The following PRICKLE1 variants were observed in gnomAD, a reference collection of about 807,000 sequenced individuals.
PRICKLE1 encodes the protein prickle planar cell polarity protein 1, also known as prickle-like protein 1.
In PRICKLE1, 14 loss-of-function variants were observed where a neutral mutation model predicts 70.2. That is an observed-to-expected ratio of 0.20 (90% confidence interval 0.13 to 0.31). The LOEUF is 0.31. Among genes scored for constraint, PRICKLE1 ranks in the 10% least tolerant of loss-of-function variants. The probability of loss-of-function intolerance (pLI) is 1.00; values close to 1 mark genes in which losing one functional copy is unlikely to be tolerated. For missense variants in PRICKLE1, 821 were observed against 1,026.2 expected (o/e 0.80, Z 2.73); for synonymous variants, 357 against 379.9 (o/e 0.94, Z 0.70).
chr12:42,468,899 T>G, intron 4 of PRICKLE1, 70 bp from the exon 5 acceptor site: 4 of 1,462,662 alleles, frequency 2.7e-6, no homozygotes, highest in Non-Finnish European at 3.8e-6. Flanking sequence ...TTTCCTACTT[T>G]AGGATAAATC....
intron 1 of PRICKLE1, among the ~76,000 whole-genome samples, chr12:42,513,996 T>C (rs970981597): frequency 2.0e-5 from 3 of 152,084 alleles, no homozygotes; most frequent in Non-Finnish European, 4.4e-5. Flanking sequence ...AAACTCTGCC[T>C]CCAAAAAACA....
At chr12:42,543,365 C>G (rs1429180373) in intron 1 of PRICKLE1, among the ~76,000 whole-genome samples, 1 of 109,652 alleles carries the variant, frequency 9.1e-6, no homozygotes, top group Non-Finnish European at 2.1e-5. Flanking sequence ...TCATGTATAA[C>G]TCTTTTTTTT....
Position 42,466,344 on chromosome 12 carries a change from G to T in PRICKLE1, c.625C>A (p.Arg209Ser), listed in dbSNP as rs777944504. 9 of 1,614,150 alleles carry T rather than the reference G, an allele frequency of 5.6e-6. No individual in the cohort carries two copies. Among genetic ancestry groups the T allele is most frequent in the Non-Finnish European group, 7.6e-6 (9 of 1,180,034 alleles). Reference protein sequence around the residue: ...FADECTEAEGRHWHMKHFCCL... With the variant: ...FADECTEAEGSHWHMKHFCCL... ...CAGAAGTGTTTCATGTGCCAATGGC[G>T]ACCCTCAGCTTCTGTGCACTCATCA... Residue 209 changes from arginine to serine, a missense_variant, in exon 6 of 8, where the codon CGC becomes AGC. By Grantham distance (110) the Arg-to-Ser change is moderately radical. Coordinates refer to ENST00000345127, the MANE Select transcript of PRICKLE1 (RefSeq NM_153026.3).
intron 1 of PRICKLE1, among the ~76,000 whole-genome samples, chr12:42,530,133 G>A (rs1397369251): frequency 6.6e-6 from 1 of 151,896 alleles, no homozygotes; most frequent in Non-Finnish European, 1.5e-5. Flanking sequence ...TAGTACAGAC[G>A]GGGTTTCACC....
Position 42,566,221 on chromosome 12 carries a change from A to G in PRICKLE1, c.-49+23244T>C, listed in dbSNP as rs560063226. Among the ~76,000 whole-genome samples, 12 of 152,274 alleles carry G rather than the reference A, an allele frequency of 7.9e-5. No homozygotes were observed. In the South Asian group the frequency reaches 2.5e-3, roughly 32 times the overall value. On this transcript the variant is annotated intron_variant, in intron 1 of 7. Transcript: ENST00000345127. The stretch of plus-strand genomic sequence containing the variant: ...TGAATGGGACGAAAGAATGGAGGGA[A>G]GGGGGAAGCTGGTTCCAGAAATGTC...
At chr12:42,490,734 A>T (rs531701201) in intron 1 of PRICKLE1, among the ~76,000 whole-genome samples, 1 of 152,122 alleles carries the variant, frequency 6.6e-6, no homozygotes, top group Admixed American at 6.6e-5. Flanking sequence ...ATGAGTCAGT[A>T]TATCCATGGT....
At chr12:42,481,956 A>G (rs1467144204) in intron 1 of PRICKLE1, among the ~76,000 whole-genome samples, 1 of 152,272 alleles carries the variant, frequency 6.6e-6, no homozygotes, top group Non-Finnish European at 1.5e-5. Context: ...AAATAAAAAC[A>G]TAATGAAGTT....
At chr12:42,518,621 A>C (rs1260366303) in intron 1 of PRICKLE1, among the ~76,000 whole-genome samples, 1 of 152,218 alleles carries the variant, frequency 6.6e-6, no homozygotes, top group Admixed American at 6.5e-5. Context: ...TCCCCCTTGC[A>C]TCTGTCTTCC....
chr12:42,477,520 A>G (rs71443944), intron 1 of PRICKLE1, among the ~76,000 whole-genome samples: 37,037 of 93,050 alleles, frequency 0.4, 6,586 homozygotes, highest in Admixed American at 0.44. Flanking sequence ...ATATATATAT[A>G]TATATATATA....
At chr12:42,493,444 GA>G (rs1593136506) in intron 1 of PRICKLE1, among the ~76,000 whole-genome samples, 1 of 151,876 alleles carries the variant, frequency 6.6e-6, no homozygotes, top group African/African-American at 2.4e-5. Flanking sequence ...TGGTTAACCA[GA>G]AAAAAAAGAT....
intron 7 of PRICKLE1, among the ~76,000 whole-genome samples, chr12:42,461,516 C>T (rs538706676): frequency 7.2e-5 from 11 of 152,160 alleles, no homozygotes; most frequent in Non-Finnish European, 1.5e-4. Flanking sequence ...TAGCTGCTTT[C>T]TACAGTGGCA....
Position 42,459,667 on chromosome 12 carries a change from C to A in PRICKLE1, c.*142G>T. 1 of 951,382 alleles carries A rather than the reference C, an allele frequency of 1.1e-6. No individual in the cohort carries two copies. The highest frequency in any genetic ancestry group is 1.6e-6 in the Non-Finnish European group (1 of 606,650). The allele number at this position is 951,382 out of a possible 1,614,324, so 58.9% of individuals were successfully genotyped here. A position where few individuals can be genotyped will look rare whatever the true frequency, so the allele number is the denominator to read the frequency against. ...ACACCTTTCAAATGTTAATCTGACACTGTAAACAGCAGTTGAGTTCTCATT... is the reference window on the plus strand; with the variant it reads ...ACACCTTTCAAATGTTAATCTGACAATGTAAACAGCAGTTGAGTTCTCATT... On this transcript the variant is annotated 3_prime_UTR_variant, in exon 8 of 8. Transcript: ENST00000345127.
At chr12:42,477,226 T>C (rs1048956934) in intron 1 of PRICKLE1, among the ~76,000 whole-genome samples, 2 of 151,286 alleles carry the variant, frequency 1.3e-5, no homozygotes, top group Non-Finnish European at 2.9e-5. Flanking sequence ...TACAAAATTA[T>C]CCAGGTGTGG....
chr12:42,587,748 C>A (rs1254443693), intron 1 of PRICKLE1, among the ~76,000 whole-genome samples: 1 of 152,254 alleles, frequency 6.6e-6, no homozygotes, highest in African/African-American at 2.4e-5. Flanking sequence ...CAAACTGAAC[C>A]AGGCTCCACC....
At chr12:42,540,188 CCTCAAA>C (rs1940086922) in intron 1 of PRICKLE1, among the ~76,000 whole-genome samples, 1 of 152,216 alleles carries the variant, frequency 6.6e-6, no homozygotes, top group African/African-American at 2.4e-5. Flanking sequence ...TGCTAAGATT[CCTCAAA>C]CTCCCACTTC....
chr12:42,463,515 T>A (rs1202262171), intron 7 of PRICKLE1: 1 of 151,736 alleles, frequency 6.6e-6, no homozygotes, highest in Non-Finnish European at 1.5e-5. Flanking sequence ...AGGTCAGGAG[T>A]TCGAGACCAG....
intron 1 of PRICKLE1, among the ~76,000 whole-genome samples, chr12:42,562,531 C>T (rs1037318366): frequency 6.6e-6 from 1 of 151,464 alleles, no homozygotes; most frequent in Non-Finnish European, 1.5e-5. Flanking sequence ...TGGAAGAGAC[C>T]TTAAAAATAA....
intron 1 of PRICKLE1, among the ~76,000 whole-genome samples, chr12:42,502,502 T>G (rs1796371): frequency 0.17 from 26,369 of 151,668 alleles, 3,036 homozygotes; most frequent in African/African-American, 0.31. Context: ...TAGAGACAGG[T>G]GTCTCACTGT....
In PRICKLE1 at chr12:42,466,283, C is replaced by G; in HGVS notation, c.686G>C (p.Arg229Thr). 1 of 1,614,192 alleles carries G rather than the reference C, an allele frequency of 6.2e-7. No individual in the cohort carries two copies. The highest frequency in any genetic ancestry group is 8.5e-7 in the Non-Finnish European group (1 of 1,180,046). ...LECETVLGGQ[R>T]YIMKDGRPFC... The stretch of plus-strand genomic sequence containing the variant: ...GGGGCGGCCGTCCTTCATGATATAC[C>G]TCTGTCCTCCCAGGACCGTTTCACA... The change falls in exon 6 of 8, where the codon AGG becomes ACG. Residue 229 changes from arginine (R) to threonine (T), a missense_variant. Arg to Thr is a moderately conservative substitution (Grantham distance 71). Coordinates refer to ENST00000345127, the MANE Select transcript of PRICKLE1 (RefSeq NM_153026.3).
Sources: allele counts gnomAD v4.1 joint callset (sites outside exome capture counted in the v4.1 genomes callset), GRCh38; gene constraint gnomAD v4.1.1; transcripts MANE v1.5; gene names NCBI Gene and HGNC (gene_info 2026-07-23, HGNC 2026-07-21).